CREB5: variants seen among roughly 807,000 people sequenced by gnomAD.
CREB5 encodes cyclic AMP-responsive element-binding protein 5.
In CREB5, 19 loss-of-function variants were observed where a neutral mutation model predicts 57.1. That is an observed-to-expected ratio of 0.33 (90% CI 0.23 to 0.49). The LOEUF is 0.49. CREB5 is among the 20% of genes least tolerant of loss of function. CREB5 has a pLI of 0.99. For synonymous variants in CREB5, 238 were observed against 238.3 expected (o/e 1.00, Z 0.01); for missense variants, 579 against 671.6 (o/e 0.86, Z 1.52).
At chr7:28,475,143 G>A (rs113142327) in intron 1 of CREB5, among the ~76,000 whole-genome samples, 18 of 151,264 alleles carry the variant, frequency 1.2e-4, no homozygotes, top group African/African-American at 3.4e-4. Flanking sequence ...TTATGGAGAC[G>A]TCATCTCTCC....
chr7:28,504,764 A>G (rs1206155065), intron 3 of CREB5, among the ~76,000 whole-genome samples: 1 of 152,198 alleles, frequency 6.6e-6, no homozygotes, highest in East Asian at 1.9e-4. Context: ...AAGTGCGAGT[A>G]GGAACTGTTA....
At chr7:28,534,148 C>T (rs1308078231) in intron 4 of CREB5, among the ~76,000 whole-genome samples, 1 of 152,242 alleles carries the variant, frequency 6.6e-6, no homozygotes, top group Non-Finnish European at 1.5e-5. Flanking sequence ...ACGCTTTGAT[C>T]CACTTGCCCT....
At chr7:28,360,209 T>G (rs879469597) in intron 1 of CREB5, among the ~76,000 whole-genome samples, 1 of 152,232 alleles carries the variant, frequency 6.6e-6, no homozygotes, top group Non-Finnish European at 1.5e-5. Context: ...GTCCACAATC[T>G]ACTTCTGGTT....
At chr7:28,625,942 T>G (rs1314893064) in intron 5 of CREB5, among the ~76,000 whole-genome samples, 1 of 152,196 alleles carries the variant, frequency 6.6e-6, no homozygotes, top group Non-Finnish European at 1.5e-5. Flanking sequence ...TTTAAAAAGG[T>G]ATCTAAGTTG....
intron 1 of CREB5, among the ~76,000 whole-genome samples, chr7:28,439,310 A>C (rs1392955005): frequency 2.6e-5 from 4 of 152,142 alleles, no homozygotes; most frequent in Non-Finnish European, 5.9e-5. Flanking sequence ...TATCATCTGC[A>C]CCTGATTCCT....
intron 1 of CREB5, among the ~76,000 whole-genome samples, chr7:28,403,649 C>T (rs1360363014): frequency 6.6e-6 from 1 of 152,146 alleles, no homozygotes; most frequent in South Asian, 2.1e-4. Flanking sequence ...TGTCTGCTGC[C>T]TTTCCTCTCA....
chr7:28,557,149 C>G (rs1222288907), intron 4 of CREB5, among the ~76,000 whole-genome samples: 1 of 131,546 alleles, frequency 7.6e-6, no homozygotes, highest in Non-Finnish European at 1.8e-5. Context: ...TAGCTGTTTC[C>G]TACTGGGATC....
At chr7:28,665,790 G>T (rs890522459) in intron 5 of CREB5, among the ~76,000 whole-genome samples, 2 of 152,012 alleles carry the variant, frequency 1.3e-5, no homozygotes, top group African/African-American at 4.8e-5. Flanking sequence ...GTGGTGGGAG[G>T]ATTGCTTGAG....
At chr7:28,311,138 C>CAAAAAAAAA (rs58272820) in intron 1 of CREB5, among the ~76,000 whole-genome samples, 21 of 117,588 alleles carry the variant, frequency 1.8e-4, no homozygotes, top group East Asian at 7.9e-4. Context: ...ACTAAAAATA[C>CAAAAAAAAA]AAAAAAAAAA....
chr7:28,476,120 C>A (rs527455148), intron 1 of CREB5, among the ~76,000 whole-genome samples: 1 of 152,272 alleles, frequency 6.6e-6, no homozygotes, highest in South Asian at 2.1e-4. Flanking sequence ...TGTGGCAGAG[C>A]CAAGTTGGAA....
chr7:28,799,468 A>C (rs1016369322), intron 7 of CREB5, among the ~76,000 whole-genome samples: 3 of 152,212 alleles, frequency 2.0e-5, no homozygotes, highest in Admixed American at 1.3e-4. Context: ...TGCTAGCATT[A>C]TTGTCTTGGC....
At chr7:28,726,472 T>TAGC (rs1265005137) in intron 7 of CREB5, among the ~76,000 whole-genome samples, 2 of 152,168 alleles carry the variant, frequency 1.3e-5, no homozygotes, top group Non-Finnish European at 2.9e-5. Context: ...TAGTATTTTC[T>TAGC]AGCAGCTTTG....
intron 1 of CREB5, among the ~76,000 whole-genome samples, chr7:28,471,510 T>A (rs1790804842): frequency 6.6e-6 from 1 of 152,222 alleles, no homozygotes; most frequent in South Asian, 2.1e-4. Context: ...GTCTTTTGTG[T>A]GAACCCATAT....
At chr7:28,660,961 A>T (rs931207424) in intron 5 of CREB5, among the ~76,000 whole-genome samples, 2 of 150,930 alleles carry the variant, frequency 1.3e-5, no homozygotes, top group Non-Finnish European at 2.9e-5. Flanking sequence ...CACTTTGGCA[A>T]TTTCTTGTCA....
At chr7:28,607,436 A>AATACATCTGGAGCGTGCTC (rs1295791475) in intron 5 of CREB5, among the ~76,000 whole-genome samples, 2 of 152,162 alleles carry the variant, frequency 1.3e-5, no homozygotes, top group African/African-American at 4.8e-5. Context: ...GGAACGTGCA[A>AATACATCTGGAGCGTGCTC]ATACATCTGG....
chr7:28,537,772 A>T (rs779325519), intron 4 of CREB5, among the ~76,000 whole-genome samples: 1 of 152,232 alleles, frequency 6.6e-6, no homozygotes, highest in Non-Finnish European at 1.5e-5. Context: ...CAAGCCCTGC[A>T]CATTGGAGTC....
At chr7:28,452,213 A>G (rs1366821875) in intron 1 of CREB5, among the ~76,000 whole-genome samples, 1 of 152,176 alleles carries the variant, frequency 6.6e-6, no homozygotes, top group Non-Finnish European at 1.5e-5. Flanking sequence ...TCTGACTCAA[A>G]TGGTCTACCT....
At chr7:28,596,782 T>C (rs549127032) in intron 5 of CREB5, among the ~76,000 whole-genome samples, 464 of 152,338 alleles carry the variant, frequency 3.0e-3, no homozygotes, top group Non-Finnish European at 4.5e-3. Flanking sequence ...ATAATACATA[T>C]GTAAATTAGT....
In CREB5 at chr7:28,611,839, T is replaced by C. The variant is rs984661737; in HGVS notation, c.464+41302T>C. 2.0e-5 allele frequency among the ~76,000 whole-genome samples: 3 copies of C among 152,184 alleles called. No homozygotes were observed. The East Asian group carries it at 5.8e-4, about 29-fold the overall frequency. On this transcript the variant is annotated intron_variant, in intron 5 of 10. Coordinates refer to ENST00000357727, the MANE Select transcript of CREB5 (RefSeq NM_182898.4). ...GTGGTTGTTACATGGCTGTATGCAT[T>C]TGCCAAATCTCATAGAACTGTATGT... is the stretch of plus-strand genomic sequence containing the variant.
Sources: gnomAD v4.1 joint callset for allele counts (sites outside exome capture counted in the v4.1 genomes callset) on GRCh38, gnomAD v4.1.1 for gene constraint, MANE v1.5 for transcripts, NCBI Gene and HGNC (gene_info 2026-07-23, HGNC 2026-07-21) for gene names.